The following OCM variants were observed in gnomAD, a reference collection of about 807,000 sequenced individuals.
The protein encoded by OCM is oncomodulin-1.
In OCM, 18 loss-of-function variants were observed where a neutral mutation model predicts 14.1. That is an observed-to-expected ratio of 1.28 (90% CI 0.88 to 1.89). The LOEUF (loss-of-function observed/expected upper bound fraction) is 1.89. Among genes scored for constraint, OCM ranks in the 40% most tolerant of loss-of-function variants. OCM has a pLI of 0.00. For missense variants in OCM, 140 were observed against 137.6 expected (o/e 1.02, Z -0.09); for synonymous variants, 48 against 51.0 (o/e 0.94, Z 0.25).
chr7:5,861,335 G>A, the OCM span, among the ~76,000 whole-genome samples: 76 of 152,032 alleles, frequency 5.0e-4, 1 homozygote, highest in Middle Eastern at 6.8e-3. Flanking sequence ...GCAAGAAAAT[G>A]GCTTGAACCC....
rs758202652 is a variant in OCM, at chr7:5,882,478, T to C, written c.62-15T>C. The C allele has an allele frequency of 7.4e-6, 12 of 1,613,620 alleles. No homozygotes were observed. The highest frequency in any genetic ancestry group is 8.5e-6 in the Non-Finnish European group (10 of 1,179,750). On this transcript the variant is annotated splice_polypyrimidine_tract_variant and intron_variant, in intron 1 of 3. Coordinates refer to ENST00000242104, the MANE Select transcript of OCM (RefSeq NM_001097622.2). Reference sequence around the variant, plus strand: ...ATCCAACAAGCGTCAGAATAACCAATTCTCTGTTCTTCAGACCCAGACACT... The same window carrying C: ...ATCCAACAAGCGTCAGAATAACCAACTCTCTGTTCTTCAGACCCAGACACT...
At chr7:5,865,540 T>G in the OCM span, among the ~76,000 whole-genome samples, 2,422 of 152,310 alleles carry the variant, frequency 0.016, 57 homozygotes, top group African/African-American at 0.054. Context: ...GGCCATCCCA[T>G]TCCCATAGCT....
upstream of OCM, among the ~76,000 whole-genome samples, chr7:5,876,315 A>G (rs534969452): frequency 6.6e-6 from 1 of 151,668 alleles, no homozygotes; most frequent in Admixed American, 6.6e-5. Flanking sequence ...GGGCTGATTT[A>G]TGATTATTAT....
At position 5,882,501 on chromosome 7, in the gene OCM, A is replaced by G; in HGVS notation, c.70A>G (p.Thr24Ala). The G allele has an allele frequency of 1.2e-6, 2 of 1,614,116 alleles. No homozygotes were observed. The highest frequency in any genetic ancestry group is 1.7e-6 in the Non-Finnish European group (2 of 1,179,978). The change falls in exon 2 of 4, where the codon ACT (threonine) becomes GCT (alanine). Residue 24 changes from threonine to alanine, a missense_variant. Coordinates refer to ENST00000242104, the MANE Select transcript of OCM (RefSeq NM_001097622.2). ...AALQECRDPD[T>A]FEPQKFFQTS... ...AATTCTCTGTTCTTCAGACCCAGACACTTTTGAACCCCAAAAATTCTTCCA... is the reference window on the plus strand; with the variant it reads ...AATTCTCTGTTCTTCAGACCCAGACGCTTTTGAACCCCAAAAATTCTTCCA...
the OCM span, among the ~76,000 whole-genome samples, chr7:5,865,193 A>G: frequency 1.3e-5 from 2 of 152,208 alleles, no homozygotes; most frequent in East Asian, 3.9e-4. Context: ...GAGTAGTGTG[A>G]TTTGCAAATG....
At chr7:5,876,610 A>G (rs1397512899), upstream of OCM, among the ~76,000 whole-genome samples, 4 of 152,184 alleles carry the variant, frequency 2.6e-5, no homozygotes, top group African/African-American at 9.7e-5. Context: ...AATGTGGATG[A>G]GAGGTAGGGT....
At chr7:5,875,836 C>CTTTT (rs879801386), upstream of OCM, among the ~76,000 whole-genome samples, 1 of 145,908 alleles carries the variant, frequency 6.9e-6, no homozygotes, top group Non-Finnish European at 1.5e-5. Context: ...TTTCAGAAAC[C>CTTTT]TTTTTTTTTT....
chr7:5,871,179 C>G, the OCM span, among the ~76,000 whole-genome samples: 196 of 151,468 alleles, frequency 1.3e-3, 1 homozygote, highest in African/African-American at 4.6e-3. Flanking sequence ...AGAGCCCCCC[C>G]CCCGTCTCTA....
chr7:5,872,881 AAAT>A, the OCM span, among the ~76,000 whole-genome samples: 39 of 152,006 alleles, frequency 2.6e-4, no homozygotes, highest in Non-Finnish European at 1.8e-4. Context: ...TAAATACTGA[AAAT>A]AATAATAATT....
the OCM span, among the ~76,000 whole-genome samples, chr7:5,873,611 T>C: frequency 1.3e-5 from 2 of 151,958 alleles, no homozygotes; most frequent in Non-Finnish European, 2.9e-5. Flanking sequence ...TCCCAGAATG[T>C]TGGGATTACA....
Position 5,880,806 on chromosome 7 carries a change from C to A in OCM, c.-84C>A. The A allele has an allele frequency of 7.7e-7, 1 of 1,306,908 alleles. No homozygotes were observed. The highest frequency in any genetic ancestry group is 1.1e-6 in the Non-Finnish European group (1 of 906,042). 81.0% of individuals were successfully genotyped at this position (1,306,908 alleles called of 1,614,324 possible). ...AGACACACATACAGTTTCAGTGGGC[C>A]TGGGAAGATGTGTTTCCCCTGGATG... On this transcript the variant is annotated 5_prime_UTR_variant, in exon 1 of 4. The change creates a new upstream start codon in the 5' untranslated region. Transcript: ENST00000242104.
the OCM span, among the ~76,000 whole-genome samples, chr7:5,874,023 C>T: frequency 2.0e-5 from 3 of 149,980 alleles, no homozygotes; most frequent in East Asian, 5.9e-4. Flanking sequence ...GGAGACCAGC[C>T]TGGCCAACAT....
upstream of OCM, among the ~76,000 whole-genome samples, chr7:5,875,544 G>A (rs1275695997): frequency 6.6e-6 from 1 of 152,112 alleles, no homozygotes; most frequent in Non-Finnish European, 1.5e-5. Context: ...CTGGGCCCAA[G>A]CAATCTTCCC....
At chr7:5,878,738 A>T (rs1458414193), upstream of OCM, among the ~76,000 whole-genome samples, 1 of 149,982 alleles carries the variant, frequency 6.7e-6, no homozygotes, top group East Asian at 2.0e-4. Context: ...CAGAATTGAG[A>T]CTCCATCTCA....
chr7:5,882,646 G>C (rs1562530625), intron 2 of OCM, 21 bp downstream of exon 2: 1 of 1,613,652 alleles, frequency 6.2e-7, no homozygotes, highest in South Asian at 1.1e-5. Context: ...TCCTGAGTCT[G>C]TCTGGTACCC....
chr7:5,883,927 C>G lies in OCM; in HGVS notation c.232C>G (p.Leu78Val), dbSNP rs777985707. The change falls in exon 3 of 4, where the codon CTG becomes GTG. Residue 78 changes from leucine (L) to valine (V), a missense_variant. Leu to Val is a conservative substitution (Grantham distance 32). Transcript: ENST00000242104. ...GAAGTTTGAGAGTGGTGCCAGAGAA[C>G]TGACCGAGTCAGAAACCAAGTCCTT... The part of the protein sequence containing the change: ...LQKFESGARE[L>V]TESETKSLMA... 3.1e-6 allele frequency: 5 copies of G among 1,613,066 alleles called. No individual in the cohort carries two copies. The African/African-American group carries it at 5.3e-5, about 17-fold the overall frequency.
chr7:5,867,620 C>T, the OCM span, among the ~76,000 whole-genome samples: 1 of 152,060 alleles, frequency 6.6e-6, no homozygotes, highest in South Asian at 2.1e-4. Context: ...ACTCCAATTA[C>T]ATGTATATTA....
At chr7:5,885,972 T>A (rs1209154014) in intron 3 of OCM, 92 bp from the exon 4 acceptor site, 1 of 1,557,938 alleles carries the variant, frequency 6.4e-7, no homozygotes, top group Non-Finnish European at 8.8e-7. Flanking sequence ...TTTCTTTGCT[T>A]CCTTCCCTCT....
At position 5,886,326 on chromosome 7, in the gene OCM, C is replaced by T. The variant is rs567193527; in HGVS notation, c.*237C>T. 1 of 533,386 alleles carries T rather than the reference C, an allele frequency of 1.9e-6. No homozygotes were observed. Among genetic ancestry groups the T allele is most frequent in the East Asian group, 3.0e-5 (1 of 33,678 alleles). 33.0% of individuals were successfully genotyped at this position (533,386 alleles called of 1,614,324 possible). A position where few individuals can be genotyped will look rare whatever the true frequency, so the allele number is the denominator to read the frequency against. Reference sequence around the variant, plus strand: ...GCCCCCCTTCCCCCAACAGGCAATGCCTCTAAAAATCACCCAATAAAGACA... The same window carrying T: ...GCCCCCCTTCCCCCAACAGGCAATGTCTCTAAAAATCACCCAATAAAGACA... On this transcript the variant is annotated 3_prime_UTR_variant, in exon 4 of 4. Transcript: ENST00000242104.
Sources: allele counts gnomAD v4.1 joint callset (sites outside exome capture counted in the v4.1 genomes callset), GRCh38; gene constraint gnomAD v4.1.1; transcripts MANE v1.5; gene names NCBI Gene and HGNC (gene_info 2026-07-23, HGNC 2026-07-21).